SRGAP2: variants seen among roughly 807,000 people sequenced by gnomAD.
SRGAP2 encodes SLIT-ROBO Rho GTPase-activating protein 2.
SRGAP2 carries 15 observed loss-of-function variants against 57.2 expected under a neutral mutation model. That is an observed-to-expected ratio of 0.26 (90% confidence interval 0.18 to 0.40). SRGAP2 has a LOEUF of 0.40. Ranked by LOEUF, SRGAP2 falls within the 10% of genes least tolerant of loss-of-function variation. The pLI, the probability that SRGAP2 is intolerant of heterozygous loss-of-function variation, is 1.00. For synonymous variants in SRGAP2, 249 were observed against 248.0 expected (o/e 1.00, Z -0.04); for missense variants, 520 against 669.6 (o/e 0.78, Z 2.47).
At chr1:206,366,078 T>C (rs1162265075) in intron 4 of SRGAP2, among the ~76,000 whole-genome samples, 8 of 152,256 alleles carry the variant, frequency 5.3e-5, no homozygotes, top group Non-Finnish European at 1.2e-4. Flanking sequence ...CTTCTAAATG[T>C]CTACATACTT....
intron 14 of SRGAP2, 78 bp downstream of exon 14, chr1:206,430,300 T>C (rs1661183091): frequency 3.9e-6 from 3 of 761,940 alleles, no homozygotes; most frequent in Non-Finnish European, 7.4e-6. Flanking sequence ...AGAGTAAGAA[T>C]AGAGATTGAC....
chr1:206,274,315 T>TCAAAAA (rs1287686577), intron 2 of SRGAP2, among the ~76,000 whole-genome samples: 7 of 136,392 alleles, frequency 5.1e-5, no homozygotes, highest in East Asian at 4.1e-4. Context: ...AGACTCAGTC[T>TCAAAAA]CAAAAACAAA....
intron 14 of SRGAP2, among the ~76,000 whole-genome samples, chr1:206,430,900 C>T (rs562289941): frequency 6.6e-6 from 1 of 152,080 alleles, no homozygotes; most frequent in East Asian, 1.9e-4. Flanking sequence ...AATTGATTTC[C>T]CAGGGATTAG....
intron 3 of SRGAP2, among the ~76,000 whole-genome samples, chr1:206,321,951 A>G (rs575598562): frequency 3.9e-5 from 6 of 152,208 alleles, no homozygotes; most frequent in African/African-American, 7.2e-5. Context: ...CATGGATGCT[A>G]AATATGCTCT....
At chr1:206,446,726 A>G (rs186272814) in intron 18 of SRGAP2, among the ~76,000 whole-genome samples, 46 of 152,298 alleles carry the variant, frequency 3.0e-4, no homozygotes, top group African/African-American at 1.1e-3. Flanking sequence ...GATAAAAGGC[A>G]TAATTTCCTG....
intron 3 of SRGAP2, among the ~76,000 whole-genome samples, chr1:206,306,492 A>G (rs1475591935): frequency 6.6e-6 from 1 of 152,154 alleles, no homozygotes; most frequent in African/African-American, 2.4e-5. Context: ...AAAAGTGAGC[A>G]CTAGCAAGAT....
At chr1:206,419,930 A>G (rs1553363756) in intron 12 of SRGAP2, among the ~76,000 whole-genome samples, 1 of 151,906 alleles carries the variant, frequency 6.6e-6, no homozygotes, top group Non-Finnish European at 1.5e-5. Context: ...TATTTGCCTG[A>G]TGTACAAGTA....
chr1:206,425,645 A>G (rs140928069), intron 13 of SRGAP2, among the ~76,000 whole-genome samples: 1,910 of 151,898 alleles, frequency 0.013, 23 homozygotes, highest in South Asian at 0.027. Flanking sequence ...AGCAGTTCTC[A>G]TGCCTCGACC....
At chr1:206,206,298 C>T (rs548911619) in intron 2 of SRGAP2, 5 of 469,986 alleles carry the variant, frequency 1.1e-5, no homozygotes, top group Admixed American at 7.0e-5. Flanking sequence ...CCCTTTCCCC[C>T]CCAAGCCGGA....
chr1:206,324,766 C>A (rs1459149351), intron 3 of SRGAP2, among the ~76,000 whole-genome samples: 5 of 152,140 alleles, frequency 3.3e-5, no homozygotes, highest in African/African-American at 1.2e-4. Context: ...CATTCCTAGT[C>A]ACCCTAAAAA....
chr1:206,420,023 A>G (rs1164783266), intron 12 of SRGAP2, among the ~76,000 whole-genome samples: 2 of 151,940 alleles, frequency 1.3e-5, no homozygotes, highest in Admixed American at 6.6e-5. Flanking sequence ...TGGTGCTGCT[A>G]TGAGAAAATT....
intron 2 of SRGAP2, among the ~76,000 whole-genome samples, chr1:206,260,426 C>T (rs1669479676): frequency 6.6e-6 from 1 of 152,154 alleles, no homozygotes; most frequent in Non-Finnish European, 1.5e-5. Context: ...ATTATTTCCA[C>T]TCCTGTCTGG....
chr1:206,319,802 G>T (rs1420405971), intron 3 of SRGAP2, among the ~76,000 whole-genome samples: 13 of 141,500 alleles, frequency 9.2e-5, no homozygotes, highest in South Asian at 2.1e-4. Flanking sequence ...ACAATTTTTT[G>T]TTGTTGTTGT....
At position 206,446,216 on chromosome 1, in the gene SRGAP2, C is replaced by G. The variant is rs781898242; in HGVS notation, c.2016C>G (p.Ile672Met). 2.6e-6 allele frequency: 2 copies of G among 780,952 alleles called. No individual in the cohort carries two copies. Among genetic ancestry groups the G allele is most frequent in the Non-Finnish European group, 2.4e-6 (1 of 418,010 alleles). 48.4% of individuals were successfully genotyped at this position (780,952 alleles called of 1,614,324 possible). Residue 672 changes from isoleucine to methionine, a missense_variant, in exon 18 of 23, where the codon ATC becomes ATG. Around this residue, in one of 5 missense-constraint regions of SRGAP2, gnomAD observed 478 missense variants for 373.6 expected, o/e 1.28. Coordinates refer to ENST00000573034, the MANE Select transcript of SRGAP2 (RefSeq NM_015326.5). ...AHVNELIKTI[I>M]IQHENIFPSP... ...TGAATGAGCTGATCAAAACCATCATCATCCAGCATGAGAACATCTTCCCAA... is the reference window on the plus strand; with the variant it reads ...TGAATGAGCTGATCAAAACCATCATGATCCAGCATGAGAACATCTTCCCAA...
At chr1:206,432,102 TAAGACTGTAAGAAG>T (rs1220675332) in intron 14 of SRGAP2, among the ~76,000 whole-genome samples, 1 of 152,210 alleles carries the variant, frequency 6.6e-6, no homozygotes, top group Non-Finnish European at 1.5e-5. Context: ...TCTATGGAGC[TAAGACTGTAAGAAG>T]GAGACAGGAA....
intron 2 of SRGAP2, among the ~76,000 whole-genome samples, chr1:206,262,792 G>A (rs1368198643): frequency 6.3e-5 from 9 of 143,228 alleles, no homozygotes; most frequent in African/African-American, 2.3e-4. Flanking sequence ...GCTGCCACCA[G>A]TTGATTGCTT....
intron 2 of SRGAP2, among the ~76,000 whole-genome samples, chr1:206,221,128 GAC>G (rs1553304594): frequency 1.3e-5 from 2 of 148,296 alleles, no homozygotes; most frequent in African/African-American, 5.2e-5. Context: ...TTTTAGTAGA[GAC>G]AGGGTTTCAC....
intron 4 of SRGAP2, among the ~76,000 whole-genome samples, chr1:206,367,104 T>G (rs1463549706): frequency 2.0e-5 from 3 of 152,176 alleles, no homozygotes; most frequent in African/African-American, 7.2e-5. Flanking sequence ...GAGTTTTAGA[T>G]TTCTTTCCTT....
chr1:206,290,725 A>G (rs1358055293), intron 2 of SRGAP2, among the ~76,000 whole-genome samples: 2 of 151,808 alleles, frequency 1.3e-5, no homozygotes, highest in African/African-American at 4.8e-5. Flanking sequence ...TAATAACTTT[A>G]TAAATATTAA....
Sources: gnomAD v4.1 joint callset for allele counts (sites outside exome capture counted in the v4.1 genomes callset) on GRCh38, gnomAD v4.1.1 for gene constraint, gnomAD v4.1.1 regional missense constraint, MANE v1.5 for transcripts, NCBI Gene and HGNC (gene_info 2026-07-23, HGNC 2026-07-21) for gene names.